The following DVL3 variants were observed in gnomAD, a reference collection of about 807,000 sequenced individuals.
The protein encoded by DVL3 is dishevelled segment polarity protein 3, also known as segment polarity protein dishevelled homolog DVL-3.
DVL3 carries 27 observed loss-of-function variants against 67.4 expected under a neutral mutation model. The ratio of observed to expected loss-of-function variants is 0.40; its 90% CI spans 0.30 to 0.55. The LOEUF (loss-of-function observed/expected upper bound fraction) is 0.55, where lower values mean the gene tolerates loss of function less well. Among genes scored for constraint, DVL3 ranks in the 20% least tolerant of loss-of-function variants. The pLI is 0.46. For missense variants in DVL3, 819 were observed against 1,021.5 expected (o/e 0.80, Z 2.70); for synonymous variants, 369 against 396.8 (o/e 0.93, Z 0.83).
In DVL3 at chr3:184,156,329, A is replaced by T. The variant is rs755553798; in HGVS notation, c.161+533A>T. 5.8e-4 allele frequency: 262 copies of T among 455,426 alleles called. 2 individuals are homozygous for T. The highest frequency in any genetic ancestry group is 4.6e-3 in the Middle Eastern group (14 of 3,048). The allele number at this position is 455,426 out of a possible 1,614,324, so 28.2% of individuals were successfully genotyped here. ...GGGGGTGCTCGGGCGCCTGGCCGCG[A>T]GCGGGGTCTGCAGATCTGATGTTTA... On this transcript the variant is annotated intron_variant, in intron 1 of 14. Coordinates refer to ENST00000313143, the MANE Select transcript of DVL3 (RefSeq NM_004423.4).
At position 184,155,500 on chromosome 3, in the gene DVL3, A is replaced by C; in HGVS notation, c.-136A>C. On this transcript the variant is annotated 5_prime_UTR_variant, in exon 1 of 15. Transcript: ENST00000313143. This position sits in a 1 kb window ranked among gnomAD's most constrained non-coding sequence, Gnocchi z 5.4. ...TGGGACCCGGTAGCGGCCGGAGAACAAGGGAGCTGGCGCCGCCAGCAGCCG... is the reference window on the plus strand; with the variant it reads ...TGGGACCCGGTAGCGGCCGGAGAACCAGGGAGCTGGCGCCGCCAGCAGCCG... The C allele has an allele frequency of 2.8e-6, 1 of 360,656 alleles. No individual in the cohort carries two copies. The highest frequency in any genetic ancestry group is 3.8e-6 in the Non-Finnish European group (1 of 260,660). 22.3% of individuals were successfully genotyped at this position (360,656 alleles called of 1,614,324 possible).
Position 184,155,828 on chromosome 3 carries a change from C to T in DVL3, c.161+32C>T. On this transcript the variant is annotated intron_variant, in intron 1 of 14. Coordinates refer to ENST00000313143, the MANE Select transcript of DVL3 (RefSeq NM_004423.4). The surrounding 1 kb of genome is among the most constrained non-coding windows in gnomAD (Gnocchi z 5.4). ...ATGGCCCCCGCCCCGCCTCCGGGAG[C>T]CCCGGCCGCTCTGGCTTCTAAGGGA... is the stretch of plus-strand genomic sequence containing the variant. The T allele has an allele frequency of 6.3e-7, 1 of 1,578,090 alleles. No homozygotes were observed.
intron 1 of DVL3, chr3:184,156,584 G>T: frequency 2.4e-6 from 1 of 409,738 alleles, no homozygotes; most frequent in Admixed American, 2.8e-5. Context: ...TCCCTGGTGG[G>T]GTCTTCCCTT....
At chr3:184,159,897 A>C (rs977962233) in intron 1 of DVL3, among the ~76,000 whole-genome samples, 7 of 151,580 alleles carry the variant, frequency 4.6e-5, no homozygotes, top group Admixed American at 4.6e-4. Flanking sequence ...CAGCCAAAGC[A>C]TTTTATTTTA....
At chr3:184,169,868 G>T (rs1453823908) in intron 13 of DVL3, 138 bp from the exon 14 acceptor site, 2 of 754,582 alleles carry the variant, frequency 2.7e-6, no homozygotes, top group Non-Finnish European at 4.1e-6. Flanking sequence ...GTCTGCAGAA[G>T]GGGGGAGCTC....
intron 13 of DVL3, among the ~76,000 whole-genome samples, chr3:184,169,601 TC>T (rs1467996116): frequency 6.6e-6 from 1 of 152,028 alleles, no homozygotes; most frequent in African/African-American, 2.4e-5. Context: ...GGCAGGAGAA[TC>T]GCTTAAACCA....
chr3:184,159,447 T>C (rs1470191706), intron 1 of DVL3, among the ~76,000 whole-genome samples: 2 of 100,308 alleles, frequency 2.0e-5, no homozygotes. Context: ...CACTGCAACC[T>C]CTGCCTCCCG....
At position 184,167,711 on chromosome 3, in the gene DVL3, G is replaced by A; in HGVS notation, c.1330G>A (p.Gly444Ser). Residue 444 changes from glycine to serine, a missense_variant and splice_region_variant, in exon 12 of 15, where the codon GGC (glycine) becomes AGC (serine). Gly to Ser is a moderately conservative substitution (Grantham distance 56). This residue lies in a region of DVL3 where 110 missense variants were observed against 203.4 expected (regional missense o/e 0.54). Transcript: ENST00000313143. The surrounding 1 kb of genome is among the most constrained non-coding windows in gnomAD (Gnocchi z 4.6). The part of the protein sequence containing the change: ...LKITIPNAFI[G>S]SDVVDWLYHN... ...GATTACCATCCCTAATGCTTTCATC[G>A]GTGAGAGAGCCCCATGGTGGGATGC... is the stretch of plus-strand genomic sequence containing the variant. The A allele has an allele frequency of 1.2e-6, 2 of 1,609,510 alleles. No individual in the cohort carries two copies. Among genetic ancestry groups the A allele is most frequent in the Non-Finnish European group, 1.7e-6 (2 of 1,177,484 alleles).
intron 1 of DVL3, chr3:184,156,737 C>T (rs903226344): frequency 1.0e-5 from 3 of 295,824 alleles, no homozygotes; most frequent in Admixed American, 9.0e-5. Context: ...TCGAACCCCC[C>T]CAACTCCCAG....
rs761417733 is a variant in DVL3, at chr3:184,168,094, G to A, written c.1498+29G>A. ...TGTGCCTCCCTCATCTTCTTGCCCT[G>A]TCTCCTGGCTGGGAGTGGGGAGGTA... On this transcript the variant is annotated intron_variant, in intron 13 of 14. Coordinates refer to ENST00000313143, the MANE Select transcript of DVL3 (RefSeq NM_004423.4). 8.1e-6 allele frequency: 13 copies of A among 1,600,702 alleles called. No individual in the cohort carries two copies. In the Admixed American group the frequency reaches 1.5e-4, roughly 19 times the overall value.
rs765531358 is a variant in DVL3 at position 184,165,073 on chromosome 3, G to T, written c.600-40G>T. The stretch of plus-strand genomic sequence containing the variant: ...CAGTGCCTCCCCTCATGGGGGCAGG[G>T]CTGGGCCAGCCTGGTGGGGAACGAC... On this transcript the variant is annotated intron_variant, in intron 5 of 14. Transcript: ENST00000313143. The surrounding 1 kb of genome is among the most constrained non-coding windows in gnomAD (Gnocchi z 4.1). 6.2e-7 allele frequency: 1 copy of T among 1,613,066 alleles called. No homozygotes were observed. The highest frequency in any genetic ancestry group is 8.5e-7 in the Non-Finnish European group (1 of 1,179,486).
At chr3:184,161,080 T>G (rs1471712443) in intron 1 of DVL3, among the ~76,000 whole-genome samples, 2 of 152,202 alleles carry the variant, frequency 1.3e-5, no homozygotes, top group Non-Finnish European at 2.9e-5. Context: ...TCCAAAAATG[T>G]GAGCATCACA....
rs368781028 is a variant in DVL3 at position 184,164,818 on chromosome 3, G to A, written c.486G>A (p.Ala162=). The A allele has an allele frequency of 3.0e-5, 49 of 1,614,196 alleles. No homozygotes were observed. Among genetic ancestry groups the A allele is most frequent in the Non-Finnish European group, 4.2e-5 (49 of 1,180,028 alleles). Residue 162 remains alanine (A), a synonymous_variant, in exon 5 of 15, where the codon GCG becomes GCA. Coordinates refer to ENST00000313143, the MANE Select transcript of DVL3 (RefSeq NM_004423.4). The surrounding 1 kb of genome is among the most constrained non-coding windows in gnomAD (Gnocchi z 5.3). ...CAGCAACCCGGCTAAATGGAACTGC[G>A]AAGGGGGAACGGCGGCGAGAACCAG... ...PEHATRLNGT[A]KGERRREPGG... is the part of the protein sequence containing the mutation.
chr3:184,158,019 G>A (rs1216074005), intron 1 of DVL3, among the ~76,000 whole-genome samples: 2 of 152,114 alleles, frequency 1.3e-5, no homozygotes, highest in African/African-American at 4.8e-5. Context: ...GAAATAGATA[G>A]CGTAATAGTA....
At chr3:184,157,410 C>T (rs1714237235) in intron 1 of DVL3, among the ~76,000 whole-genome samples, 1 of 152,142 alleles carries the variant, frequency 6.6e-6, no homozygotes, top group African/African-American at 2.4e-5. Flanking sequence ...GGCTGTCTCT[C>T]CACCCTGTAC....
rs758184432 is a variant in DVL3, at chr3:184,165,450, C to G, written c.722C>G (p.Ser241Cys). 6.2e-7 allele frequency: 1 copy of G among 1,614,072 alleles called. No homozygotes were observed. The highest frequency in any genetic ancestry group is 1.7e-5 in the Admixed American group (1 of 60,008). The change falls in exon 7 of 15, where the codon TCC becomes TGC. Residue 241 changes from serine to cysteine, a missense_variant. Physicochemically the swap from Ser to Cys is moderately radical, Grantham distance 112. Coordinates refer to ENST00000313143, the MANE Select transcript of DVL3 (RefSeq NM_004423.4). The surrounding 1 kb of genome is among the most constrained non-coding windows in gnomAD (Gnocchi z 4.1). ...TCGTCCTTCAGCAGCATCACGGACT[C>G]CACCATGTCACTCAACATCATCACG... ...RSSSFSSITD[S>C]TMSLNIITVT...
In DVL3 at chr3:184,172,155, A is replaced by AT. The variant is rs1435387316; in HGVS notation, c.*1402dup. On this transcript the variant is annotated 3_prime_UTR_variant, in exon 15 of 15. Coordinates refer to ENST00000313143, the MANE Select transcript of DVL3 (RefSeq NM_004423.4). Reference sequence around the variant, plus strand: ...CACACACAACCTCCCCTGTTTTCACATTCACCATGGCATCCCAGAGCAAGG... The same window carrying AT: ...CACACACAACCTCCCCTGTTTTCACATTTCACCATGGCATCCCAGAGCAAGG... 1 of 152,388 alleles carries AT rather than the reference A, an allele frequency of 6.6e-6. No homozygotes were observed. The highest frequency in any genetic ancestry group is 1.9e-4 in the East Asian group (1 of 5,194). The allele number at this position is 152,388 out of a possible 1,614,324, so 9.4% of individuals were successfully genotyped here.
In DVL3 at chr3:184,170,274, C is replaced by T; in HGVS notation, c.1715-45C>T. On this transcript the variant is annotated intron_variant, in intron 14 of 14. Transcript: ENST00000313143. This position sits in a 1 kb window ranked among gnomAD's most constrained non-coding sequence, Gnocchi z 6.5. ...CTATAGGTGGGCCCCAGGCTTCCCC[C>T]GCCCGCTCAGCCTGCCCCACCCCGG... 6 of 1,596,368 alleles carry T rather than the reference C, an allele frequency of 3.8e-6. No individual in the cohort carries two copies. Among genetic ancestry groups the T allele is most frequent in the Non-Finnish European group, 4.3e-6 (5 of 1,171,040 alleles).
Position 184,170,170 on chromosome 3 carries a change from G to A in DVL3, c.1663G>A (p.Glu555Lys). 3 of 1,613,482 alleles carry A rather than the reference G, an allele frequency of 1.9e-6. No homozygotes were observed. Among genetic ancestry groups the A allele is most frequent in the Non-Finnish European group, 2.5e-6 (3 of 1,179,928 alleles). ...ATACAACCCGCACCCGGGCTTCCCG[G>A]AGCTGGGCTACAGCTACGGCGGGGG... ...HPYNPHPGFP[E>K]LGYSYGGGSA... The change falls in exon 14 of 15, where the codon GAG becomes AAG. Residue 555 changes from glutamate (E) to lysine (K), a missense_variant. Coordinates refer to ENST00000313143, the MANE Select transcript of DVL3 (RefSeq NM_004423.4). The surrounding 1 kb of genome is among the most constrained non-coding windows in gnomAD (Gnocchi z 6.5).
Sources: gnomAD v4.1 joint callset for allele counts (sites outside exome capture counted in the v4.1 genomes callset) on GRCh38, gnomAD v4.1.1 for gene constraint, gnomAD v4.1.1 regional missense constraint, Gnocchi (gnomAD v3.1) non-coding constraint, MANE v1.5 for transcripts, NCBI Gene and HGNC (gene_info 2026-07-23, HGNC 2026-07-21) for gene names.